Variants in AP3B1 observed in about 807,000 individuals in gnomAD.
AP3B1 encodes adaptor related protein complex 3 subunit beta 1.
Under a neutral mutation model 132.5 loss-of-function variants are expected in AP3B1, and 61 were observed. That is an observed-to-expected ratio of 0.46 (90% CI 0.37 to 0.57). The LOEUF is 0.57. AP3B1 is among the 20% of genes least tolerant of loss of function. AP3B1 has a pLI of 0.00. For missense variants in AP3B1, 1,120 were observed against 1,289.4 expected, an observed-to-expected ratio of 0.87 and a Z score of 2.01; for synonymous variants, 388 against 438.3, an observed-to-expected ratio of 0.89 and a Z score of 1.43.
intron 14 of AP3B1, among the ~76,000 whole-genome samples, chr5:78,145,557 C>T (rs142548058): frequency 6.6e-6 from 1 of 152,270 alleles, no homozygotes; most frequent in African/African-American, 2.4e-5. Context: ...GCTGTTGAGA[C>T]CGGTTCTGAT....
chr5:78,134,019 C>T (rs1752793710), intron 15 of AP3B1, among the ~76,000 whole-genome samples: 1 of 151,800 alleles, frequency 6.6e-6, no homozygotes, highest in African/African-American at 2.4e-5. Context: ...GGCATGGTGG[C>T]GGGCACCCGT....
At chr5:78,177,486 T>C in intron 8 of AP3B1, 50 bp from the exon 9 acceptor site, 1 of 1,313,276 alleles carries the variant, frequency 7.6e-7, no homozygotes, top group South Asian at 1.2e-5. Context: ...TAGAGCACTC[T>C]ACAACCTCAA....
chr5:78,074,430 A>G (rs1261404546), intron 22 of AP3B1, among the ~76,000 whole-genome samples: 3 of 152,196 alleles, frequency 2.0e-5, no homozygotes, highest in African/African-American at 7.2e-5. Context: ...GACCCAGGCC[A>G]GTGATTTTTC....
intron 14 of AP3B1, among the ~76,000 whole-genome samples, chr5:78,142,235 C>T (rs1393685429): frequency 6.6e-6 from 1 of 152,130 alleles, no homozygotes; most frequent in Non-Finnish European, 1.5e-5. Flanking sequence ...GGAAACCTTC[C>T]ATCAGTACCA....
At chr5:78,232,158 A>T (rs1746674367) in intron 3 of AP3B1, among the ~76,000 whole-genome samples, 1 of 152,230 alleles carries the variant, frequency 6.6e-6, no homozygotes, top group South Asian at 2.1e-4. Flanking sequence ...ACAAAATAAT[A>T]GTGCTGTGAT....
intron 20 of AP3B1, among the ~76,000 whole-genome samples, chr5:78,109,077 C>T (rs139608085): frequency 9.4e-4 from 143 of 152,186 alleles, no homozygotes; most frequent in African/African-American, 3.2e-3. Flanking sequence ...GTACATCAGA[C>T]TCACTAAGTG....
chr5:78,068,644 T>C (rs578235357), intron 22 of AP3B1, among the ~76,000 whole-genome samples: 1 of 152,260 alleles, frequency 6.6e-6, no homozygotes, highest in East Asian at 1.9e-4. Flanking sequence ...CAGGACCAGA[T>C]GGATTTACAG....
intron 1 of AP3B1, among the ~76,000 whole-genome samples, chr5:78,279,846 CTTAAATATAT>C (rs1339167374): frequency 1.1e-4 from 15 of 131,206 alleles, no homozygotes; most frequent in African/African-American, 4.2e-4. Flanking sequence ...ATATATAGGA[CTTAAATATAT>C]ATAGGACTTA....
At chr5:78,029,528 A>AT (rs35376429) in intron 24 of AP3B1, among the ~76,000 whole-genome samples, 47,256 of 151,958 alleles carry the variant, frequency 0.31, 7,953 homozygotes, top group Admixed American at 0.42. Flanking sequence ...GTAGGATTTA[A>AT]TCTCTGACGT....
intron 21 of AP3B1, among the ~76,000 whole-genome samples, chr5:78,089,927 C>T (rs1002894143): frequency 1.3e-5 from 2 of 152,176 alleles, no homozygotes; most frequent in Non-Finnish European, 2.9e-5. Flanking sequence ...TTATTCTCCA[C>T]TCTAATCAGG....
At chr5:78,117,195 T>C (rs575176911) in intron 17 of AP3B1, among the ~76,000 whole-genome samples, 1 of 142,762 alleles carries the variant, frequency 7.0e-6, no homozygotes, top group Non-Finnish European at 1.5e-5. Context: ...TTTTTTTTAA[T>C]CACAGCATGT....
chr5:78,026,792 C>A (rs547335849), intron 24 of AP3B1, among the ~76,000 whole-genome samples: 8 of 152,276 alleles, frequency 5.3e-5, no homozygotes, highest in African/African-American at 1.7e-4. Context: ...CTGGTCAATA[C>A]CAGACACAAA....
chr5:78,201,718 TA>T, intron 7 of AP3B1, among the ~76,000 whole-genome samples: 1 of 152,086 alleles, frequency 6.6e-6, no homozygotes, highest in Non-Finnish European at 1.5e-5. Flanking sequence ...AACAGACGAG[TA>T]AATGGCAAAT....
chr5:78,140,891 T>C (rs1753117444), intron 15 of AP3B1, among the ~76,000 whole-genome samples: 1 of 152,214 alleles, frequency 6.6e-6, no homozygotes. Flanking sequence ...ATAATTCGTC[T>C]AGAATTCCAC....
At chr5:78,031,505 G>A (rs992746082) in intron 24 of AP3B1, among the ~76,000 whole-genome samples, 7 of 152,144 alleles carry the variant, frequency 4.6e-5, no homozygotes, top group African/African-American at 1.4e-4. Context: ...ACACCAAAAC[G>A]TCTTTCCCAG....
At chr5:78,034,545 C>T (rs1046168937) in intron 23 of AP3B1, 100 bp from the exon 24 acceptor site, 2 of 898,596 alleles carry the variant, frequency 2.2e-6, no homozygotes, top group Middle Eastern at 2.4e-4. Flanking sequence ...TTGGTTGAAA[C>T]TGTGAAATGT....
intron 26 of AP3B1, 21 bp from the exon 27 acceptor site, chr5:78,003,076 A>T: frequency 6.2e-7 from 1 of 1,613,130 alleles, no homozygotes; most frequent in Non-Finnish European, 8.5e-7. Flanking sequence ...AAAAAGAGAG[A>T]CCTTTTATCA....
At chr5:78,009,371 G>A (rs1040802573) in intron 26 of AP3B1, among the ~76,000 whole-genome samples, 9 of 151,636 alleles carry the variant, frequency 5.9e-5, no homozygotes, top group Non-Finnish European at 4.4e-5. Flanking sequence ...GAGACAAGAC[G>A]ATTGCCTGGG....
chr5:78,095,340 A>C (rs1750726084), intron 21 of AP3B1, among the ~76,000 whole-genome samples: 1 of 152,084 alleles, frequency 6.6e-6, no homozygotes. Flanking sequence ...GATAAACCAC[A>C]GGGAATGTGT....
Sources: allele counts gnomAD v4.1 joint callset (sites outside exome capture counted in the v4.1 genomes callset), GRCh38; gene constraint gnomAD v4.1.1; transcripts MANE v1.5; gene names NCBI Gene and HGNC (gene_info 2026-07-23, HGNC 2026-07-21).